SNX29: variants seen among roughly 807,000 people sequenced by gnomAD.
The protein encoded by SNX29 is sorting nexin 29, also known as sorting nexin-29.
In SNX29, 78 loss-of-function variants were observed where a neutral mutation model predicts 102.1. The observed-to-expected ratio is 0.76, with a 90% CI of 0.64 to 0.92. SNX29 has a LOEUF of 0.92. SNX29 is among the 40% of genes least tolerant of loss of function. The pLI is 0.00. For synonymous variants in SNX29, 580 were observed against 414.5 expected (o/e 1.40, Z -4.85); for missense variants, 1,280 against 1,061.7 (o/e 1.21, Z -2.86).
chr16:12,571,333 A>G lies in SNX29; in HGVS notation c.*2704A>G, dbSNP rs187774662. ...GTCAACTGCCTGTCAGCCTGGATTC[A>G]ATTCTGAGGGCTAAGCCACGACCTT... On this transcript the variant is annotated 3_prime_UTR_variant, in exon 21 of 21. Coordinates refer to ENST00000566228, the MANE Select transcript of SNX29 (RefSeq NM_032167.5). 65 of 231,574 alleles carry G rather than the reference A, an allele frequency of 2.8e-4. No homozygotes were observed. The East Asian group carries it at 3.7e-3, about 13-fold the overall frequency. 14.3% of individuals were successfully genotyped at this position (231,574 alleles called of 1,614,324 possible). A position where few individuals can be genotyped will look rare whatever the true frequency, so the allele number is the denominator to read the frequency against.
At chr16:12,157,515 A>G (rs1263529397) in intron 13 of SNX29, among the ~76,000 whole-genome samples, 1 of 152,174 alleles carries the variant, frequency 6.6e-6, no homozygotes, top group Non-Finnish European at 1.5e-5. Context: ...AGTGCTCTGC[A>G]GTATTATCCT....
chr16:12,459,160 C>G (rs991132176), intron 18 of SNX29, among the ~76,000 whole-genome samples: 2 of 147,458 alleles, frequency 1.4e-5, no homozygotes, highest in African/African-American at 5.1e-5. Flanking sequence ...TCCACTTCCC[C>G]TCCTCCCCTA....
intron 16 of SNX29, among the ~76,000 whole-genome samples, chr16:12,369,555 G>C (rs1030072813): frequency 6.6e-6 from 1 of 152,190 alleles, no homozygotes. Flanking sequence ...TACATGGTCA[G>C]GTGATGACAC....
intron 15 of SNX29, among the ~76,000 whole-genome samples, chr16:12,351,914 G>A (rs2082001482): frequency 6.6e-6 from 1 of 152,052 alleles, no homozygotes; most frequent in South Asian, 2.1e-4. Context: ...GTCTGCCAAG[G>A]GAACAGCGGG....
chr16:12,064,025 A>C (rs1244839050), intron 9 of SNX29, among the ~76,000 whole-genome samples: 1 of 151,896 alleles, frequency 6.6e-6, no homozygotes, highest in East Asian at 1.9e-4. Context: ...GGAGTTTTGA[A>C]TGTGTGTTCA....
chr16:12,288,954 T>C (rs965326792), intron 15 of SNX29, among the ~76,000 whole-genome samples: 1 of 152,220 alleles, frequency 6.6e-6, no homozygotes, highest in Non-Finnish European at 1.5e-5. Flanking sequence ...TGTATCTGAC[T>C]AGAAACAGGA....
chr16:12,314,900 C>T (rs1374743771), intron 15 of SNX29, among the ~76,000 whole-genome samples: 4 of 152,190 alleles, frequency 2.6e-5, no homozygotes, highest in African/African-American at 9.7e-5. Flanking sequence ...ACCGGGAGGC[C>T]TGTGGCACCA....
intron 14 of SNX29, among the ~76,000 whole-genome samples, chr16:12,223,124 A>C (rs1332897404): frequency 6.6e-6 from 1 of 152,226 alleles, no homozygotes; most frequent in Non-Finnish European, 1.5e-5. Flanking sequence ...TTCTGGAGTC[A>C]GACCATGTAA....
At chr16:12,144,754 CTG>C (rs2054994498) in intron 13 of SNX29, among the ~76,000 whole-genome samples, 1 of 152,258 alleles carries the variant, frequency 6.6e-6, no homozygotes, top group African/African-American at 2.4e-5. Context: ...CGGAGTCTCG[CTG>C]TGTTACCCAG....
chr16:12,487,039 C>T (rs1024339156), intron 19 of SNX29, among the ~76,000 whole-genome samples: 28 of 152,102 alleles, frequency 1.8e-4, no homozygotes, highest in African/African-American at 4.8e-4. Flanking sequence ...GCCTCGGGCA[C>T]GTTATTTGAC....
At chr16:12,158,586 A>T (rs936127793) in intron 13 of SNX29, among the ~76,000 whole-genome samples, 1 of 152,198 alleles carries the variant, frequency 6.6e-6, no homozygotes, top group Non-Finnish European at 1.5e-5. Flanking sequence ...AATGATTCAT[A>T]AGTGCCTCAC....
rs1249710077 is a variant in SNX29 at position 12,570,176 on chromosome 16, A to C, written c.*1547A>C. The C allele has an allele frequency of 1.6e-5, 17 of 1,063,436 alleles. No homozygotes were observed. The highest frequency in any genetic ancestry group is 1.9e-5 in the Non-Finnish European group (17 of 877,952). 65.9% of individuals were successfully genotyped at this position (1,063,436 alleles called of 1,614,324 possible). A position where few individuals can be genotyped will look rare whatever the true frequency, so the allele number is the denominator to read the frequency against. ...ACACAGCGCCCCCCCACCCCAGAGA[A>C]ACCGAGTCAGCCTACATGACTTCCA... is the stretch of plus-strand genomic sequence containing the variant. On this transcript the variant is annotated 3_prime_UTR_variant, in exon 21 of 21. Transcript: ENST00000566228.
chr16:12,574,149 A>T lies in SNX29; in HGVS notation c.*5520A>T, dbSNP rs369762033. 5.5e-6 allele frequency: 1 copy of T among 181,876 alleles called. No individual in the cohort carries two copies. The highest frequency in any genetic ancestry group is 2.4e-5 in the African/African-American group (1 of 42,486). The allele number at this position is 181,876 out of a possible 1,614,324, so 11.3% of individuals were successfully genotyped here. On this transcript the variant is annotated 3_prime_UTR_variant, in exon 21 of 21. Coordinates refer to ENST00000566228, the MANE Select transcript of SNX29 (RefSeq NM_032167.5). ...TTTACATAATAGGATTTTTAAACAA[A>T]TGTGTTTAATTTTTTAAGATCTCTT...
intron 20 of SNX29, among the ~76,000 whole-genome samples, chr16:12,561,953 G>C (rs1560115): frequency 6.6e-6 from 1 of 151,918 alleles, no homozygotes; most frequent in Non-Finnish European, 1.5e-5. Context: ...TGCATCCCTG[G>C]GGGCATGATG....
chr16:12,464,300 C>T (rs1016761792), intron 18 of SNX29, among the ~76,000 whole-genome samples: 1 of 151,800 alleles, frequency 6.6e-6, no homozygotes, highest in African/African-American at 2.4e-5. Context: ...AATATATAGA[C>T]ACACCACATT....
intron 20 of SNX29, chr16:12,556,654 A>T (rs1352481908): frequency 6.6e-6 from 1 of 152,290 alleles, no homozygotes; most frequent in Non-Finnish European, 1.5e-5. Context: ...GAGACACAGC[A>T]GAGACAGAAG....
chr16:12,552,805 G>T (rs2856785), intron 20 of SNX29, among the ~76,000 whole-genome samples: 6,533 of 152,224 alleles, frequency 0.043, 292 homozygotes, highest in East Asian at 0.19. Context: ...TCCTGGAGGA[G>T]AGAACAGCCA....
chr16:12,107,794 C>T (rs1242197097), intron 11 of SNX29, among the ~76,000 whole-genome samples: 1 of 152,260 alleles, frequency 6.6e-6, no homozygotes, highest in South Asian at 2.1e-4. Context: ...ACATCCTCCC[C>T]AGGCCCAGAA....
chr16:12,349,874 G>A lies in SNX29; in HGVS notation c.1783-6289G>A, dbSNP rs1367439052. On this transcript the variant is annotated intron_variant, in intron 15 of 20. Coordinates refer to ENST00000566228, the MANE Select transcript of SNX29 (RefSeq NM_032167.5). ...TAGGTCAATGCTTCTAAAACTATGG[G>A]AACCAGTTTTCTTTTTTAAAAAACT... Among the ~76,000 whole-genome samples the A allele has an allele frequency of 9.2e-5, 14 of 152,172 alleles. No individual in the cohort carries two copies. In the East Asian group the frequency reaches 2.5e-3, roughly 27 times the overall value.
Sources: gnomAD v4.1 joint callset for allele counts (sites outside exome capture counted in the v4.1 genomes callset) on GRCh38, gnomAD v4.1.1 for gene constraint, MANE v1.5 for transcripts, NCBI Gene and HGNC (gene_info 2026-07-23, HGNC 2026-07-21) for gene names.